The following HTRA3 variants were observed in gnomAD, a reference collection of about 807,000 sequenced individuals.
The protein encoded by HTRA3 is HtrA serine peptidase 3.
HTRA3 carries 41 observed loss-of-function variants against 43.2 expected under a neutral mutation model. That is an observed-to-expected ratio of 0.95 (90% CI 0.74 to 1.23). The LOEUF (loss-of-function observed/expected upper bound fraction) is 1.23. Among genes scored for constraint, HTRA3 ranks in the 50% most tolerant of loss-of-function variants. The pLI is 0.00. For missense variants in HTRA3, 628 were observed against 647.1 expected (o/e 0.97, Z 0.32); for synonymous variants, 295 against 287.9 (o/e 1.02, Z -0.25).
intron 8 of HTRA3, among the ~76,000 whole-genome samples, chr4:8,304,643 G>GTTTTTTTTTTTTTTTTTTTTTTT (rs140790982): frequency 1.6e-5 from 1 of 62,736 alleles, no homozygotes; most frequent in Non-Finnish European, 2.8e-5. Flanking sequence ...TCAGCCTATT[G>GTTTTTTTTTTTTTTTTTTTTTTT]TTTTTTTTTT....
chr4:8,296,043 A>C lies in HTRA3; in HGVS notation c.1051+1842A>C. The C allele has an allele frequency of 1.8e-6, 2 of 1,118,408 alleles. No homozygotes were observed. Among genetic ancestry groups the C allele is most frequent in the African/African-American group, 1.6e-5 (1 of 61,822 alleles). The allele number at this position is 1,118,408 out of a possible 1,614,324, so 69.3% of individuals were successfully genotyped here. A position where few individuals can be genotyped will look rare whatever the true frequency, so the allele number is the denominator to read the frequency against. The stretch of plus-strand genomic sequence containing the variant: ...CTGTCCTAGCATGCTCCTTTCCCTA[A>C]TGACCGAGTCTTTCCTGTTGAATTA... On this transcript the variant is annotated intron_variant, in intron 6 of 8. Transcript: ENST00000307358. This position sits in a 1 kb window ranked among gnomAD's most constrained non-coding sequence, Gnocchi z 5.3.
chr4:8,302,238 C>G (rs1047556556), intron 6 of HTRA3, among the ~76,000 whole-genome samples: 6 of 152,092 alleles, frequency 3.9e-5, no homozygotes, highest in Non-Finnish European at 7.4e-5. Context: ...ATGAAGCCAC[C>G]TGTGGGGCGA....
intron 1 of HTRA3, among the ~76,000 whole-genome samples, chr4:8,277,417 C>A (rs1712571946): frequency 1.3e-5 from 2 of 152,162 alleles, no homozygotes; most frequent in South Asian, 4.1e-4. Context: ...CCAGGTCCAG[C>A]CCAGACGCAG....
intron 6 of HTRA3, among the ~76,000 whole-genome samples, chr4:8,299,421 T>C (rs1339221585): frequency 6.6e-6 from 1 of 152,246 alleles, no homozygotes; most frequent in African/African-American, 2.4e-5. Context: ...TAGATGGCTA[T>C]GCAGTCTGTG....
rs369690586 is a variant in HTRA3 at position 8,298,698 on chromosome 4, G to A, written c.1052-3765G>A. Among the ~76,000 whole-genome samples the A allele has an allele frequency of 1.9e-4, 28 of 151,004 alleles. No homozygotes were observed. In the East Asian group the frequency reaches 3.9e-3, roughly 21 times the overall value. On this transcript the variant is annotated intron_variant, in intron 6 of 8. Coordinates refer to ENST00000307358, the MANE Select transcript of HTRA3 (RefSeq NM_053044.5). ...TTTTAAATAGTGCAAAGTATAGATC[G>A]AGGTTTGGGCGTTTTTGTTATTTTT... is the stretch of plus-strand genomic sequence containing the variant.
In HTRA3 at chr4:8,269,861, C is replaced by T; in HGVS notation, c.-108C>T. On this transcript the variant is annotated 5_prime_UTR_variant, in exon 1 of 9. Transcript: ENST00000307358. ...CCGGCGCATGTGACCGCGCGTCCGCCCCAGTCCCATCCGTAGGCGCCCGGC... is the reference window on the plus strand; with the variant it reads ...CCGGCGCATGTGACCGCGCGTCCGCTCCAGTCCCATCCGTAGGCGCCCGGC... 1 of 411,870 alleles carries T rather than the reference C, an allele frequency of 2.4e-6. No individual in the cohort carries two copies. Among genetic ancestry groups the T allele is most frequent in the Non-Finnish European group, 3.3e-6 (1 of 303,958 alleles). The allele number at this position is 411,870 out of a possible 1,614,324, so 25.5% of individuals were successfully genotyped here. A position where few individuals can be genotyped will look rare whatever the true frequency, so the allele number is the denominator to read the frequency against.
chr4:8,285,304 G>C (rs377340831), intron 2 of HTRA3, among the ~76,000 whole-genome samples: 1 of 152,198 alleles, frequency 6.6e-6, no homozygotes, highest in South Asian at 2.1e-4. Flanking sequence ...CCCTTGCAGG[G>C]TGCCCATGAG....
chr4:8,291,670 G>A, intron 4 of HTRA3, 106 bp downstream of exon 4: 1 of 778,782 alleles, frequency 1.3e-6, no homozygotes, highest in Non-Finnish European at 2.0e-6. Context: ...AGCCATTCTG[G>A]CACTCGACAC....
At chr4:8,281,798 C>G (rs376996135) in intron 1 of HTRA3, among the ~76,000 whole-genome samples, 1 of 152,244 alleles carries the variant, frequency 6.6e-6, no homozygotes, top group Admixed American at 6.5e-5. Flanking sequence ...CAGGGAAGTT[C>G]GTGAACCATC....
chr4:8,301,393 TTTA>T (rs1237305974), intron 6 of HTRA3, among the ~76,000 whole-genome samples: 1 of 152,060 alleles, frequency 6.6e-6, no homozygotes, highest in Non-Finnish European at 1.5e-5. Context: ...CACTATCAGG[TTTA>T]TTATTGATTC....
chr4:8,288,930 C>CTTCA (rs1713111086), intron 3 of HTRA3, among the ~76,000 whole-genome samples: 1 of 147,346 alleles, frequency 6.8e-6, no homozygotes, highest in African/African-American at 2.5e-5. Flanking sequence ...TCCTTCCTTC[C>CTTCA]TTCCTCCCTT....
intron 6 of HTRA3, 73 bp downstream of exon 6, chr4:8,294,274 C>A: frequency 8.8e-7 from 1 of 1,130,502 alleles, no homozygotes; most frequent in South Asian, 1.4e-5. Flanking sequence ...AACACCCCAG[C>A]CCTGGGACCA....
At chr4:8,292,010 C>G (rs887871394) in intron 4 of HTRA3, among the ~76,000 whole-genome samples, 2 of 152,216 alleles carry the variant, frequency 1.3e-5, no homozygotes, top group African/African-American at 4.8e-5. Flanking sequence ...GAGGGCCCCC[C>G]CAGGCCAGCA....
chr4:8,287,412 C>G (rs2153005430), intron 3 of HTRA3, among the ~76,000 whole-genome samples: 1 of 152,262 alleles, frequency 6.6e-6, no homozygotes, highest in South Asian at 2.1e-4. Context: ...GAGACTGGGT[C>G]ATTTATGAAG....
At chr4:8,300,793 TG>T (rs1713611961) in intron 6 of HTRA3, among the ~76,000 whole-genome samples, 1 of 152,074 alleles carries the variant, frequency 6.6e-6, no homozygotes, top group African/African-American at 2.4e-5. Flanking sequence ...TCTTTATTAT[TG>T]ATTCACACTC....
intron 7 of HTRA3, 69 bp from the exon 8 acceptor site, chr4:8,304,115 G>A: frequency 8.6e-6 from 11 of 1,284,712 alleles, no homozygotes; most frequent in Non-Finnish European, 1.2e-5. Flanking sequence ...GAGGGAGGGA[G>A]GGGCAGCTTC....
chr4:8,289,476 C>T (rs777093141), intron 3 of HTRA3, among the ~76,000 whole-genome samples: 1 of 152,212 alleles, frequency 6.6e-6, no homozygotes, highest in Non-Finnish European at 1.5e-5. Context: ...AAGAGGAGAG[C>T]GAGACTAGGG....
In HTRA3 at chr4:8,306,240, G is replaced by T; in HGVS notation, c.*104G>T. On this transcript the variant is annotated 3_prime_UTR_variant, in exon 9 of 9. Coordinates refer to ENST00000307358, the MANE Select transcript of HTRA3 (RefSeq NM_053044.5). The surrounding 1 kb of genome is among the most constrained non-coding windows in gnomAD (Gnocchi z 8.9). ...ACCACCGTCGGTCCTCAGCAGGGCGGCAGCCTCCTCCTGGCTGTCCGGGGC... is the reference window on the plus strand; with the variant it reads ...ACCACCGTCGGTCCTCAGCAGGGCGTCAGCCTCCTCCTGGCTGTCCGGGGC... 2 of 1,250,690 alleles carry T rather than the reference G, an allele frequency of 1.6e-6. No homozygotes were observed. Among genetic ancestry groups the T allele is most frequent in the Non-Finnish European group, 2.2e-6 (2 of 928,678 alleles). 77.5% of individuals were successfully genotyped at this position (1,250,690 alleles called of 1,614,324 possible). A position where few individuals can be genotyped will look rare whatever the true frequency, so the allele number is the denominator to read the frequency against.
intron 1 of HTRA3, among the ~76,000 whole-genome samples, chr4:8,277,504 G>A (rs1041771763): frequency 1.3e-5 from 2 of 152,194 alleles, no homozygotes; most frequent in African/African-American, 2.4e-5. Context: ...CAGAAGGAGA[G>A]GTGGATCACC....
Sources: gnomAD v4.1 joint callset for allele counts (sites outside exome capture counted in the v4.1 genomes callset) on GRCh38, gnomAD v4.1.1 for gene constraint, Gnocchi (gnomAD v3.1) non-coding constraint, MANE v1.5 for transcripts, NCBI Gene and HGNC (gene_info 2026-07-23, HGNC 2026-07-21) for gene names.